The following CERS3 variants were observed in gnomAD, a reference collection of about 807,000 sequenced individuals.
The protein encoded by CERS3 is ceramide synthase 3, also known as LAG1 homolog, ceramide synthase 3.
CERS3 carries 33 observed loss-of-function variants against 50.3 expected under a neutral mutation model. The ratio of observed to expected loss-of-function variants is 0.66; its 90% CI spans 0.50 to 0.88. The LOEUF (loss-of-function observed/expected upper bound fraction) is 0.88. Among genes scored for constraint, CERS3 ranks in the 40% least tolerant of loss-of-function variants. The pLI, the probability that CERS3 is intolerant of heterozygous loss-of-function variation, is 0.00. For synonymous variants in CERS3, 176 were observed against 155.2 expected (o/e 1.13, Z -0.99); for missense variants, 470 against 460.3 (o/e 1.02, Z -0.19).
At chr15:100,492,124 A>G (rs1596754242) in intron 3 of CERS3, among the ~76,000 whole-genome samples, 1 of 152,326 alleles carries the variant, frequency 6.6e-6, no homozygotes, top group East Asian at 1.9e-4. Context: ...CCTAATATGT[A>G]ATCATGCTGG....
At chr15:100,447,184 A>G (rs1314065389) in intron 11 of CERS3, among the ~76,000 whole-genome samples, 2 of 152,202 alleles carry the variant, frequency 1.3e-5, no homozygotes, top group African/African-American at 2.4e-5. Context: ...ACAGCACTGA[A>G]GTCAGCTACC....
intron 5 of CERS3, among the ~76,000 whole-genome samples, chr15:100,480,946 G>T (rs2035281286): frequency 6.6e-6 from 1 of 152,128 alleles, no homozygotes; most frequent in Non-Finnish European, 1.5e-5. Flanking sequence ...AATTCATTAT[G>T]CAGTCTTTCT....
intron 11 of CERS3, among the ~76,000 whole-genome samples, chr15:100,423,340 T>C (rs1489150879): frequency 2.0e-5 from 3 of 152,196 alleles, no homozygotes; most frequent in Non-Finnish European, 4.4e-5. Context: ...ATAGCACTAT[T>C]CACAATAGCA....
intron 4 of CERS3, among the ~76,000 whole-genome samples, chr15:100,488,056 A>G (rs1370780974): frequency 1.3e-5 from 2 of 152,236 alleles, no homozygotes; most frequent in Non-Finnish European, 2.9e-5. Flanking sequence ...AACATCTGGA[A>G]GTTGTTCTTG....
At chr15:100,466,126 C>A (rs1444870606) in intron 10 of CERS3, among the ~76,000 whole-genome samples, 1 of 152,080 alleles carries the variant, frequency 6.6e-6, no homozygotes, top group African/African-American at 2.4e-5. Context: ...CCTTGAAAAC[C>A]AGAAATGCTG....
chr15:100,532,078 T>TA (rs11392992), upstream of CERS3, among the ~76,000 whole-genome samples: 61,523 of 151,842 alleles, frequency 0.41, 12,825 homozygotes, highest in East Asian at 0.7. Context: ...GAAAACACAG[T>TA]AAGCCGGATG....
intron 11 of CERS3, among the ~76,000 whole-genome samples, chr15:100,444,872 C>T (rs894087687): frequency 6.6e-6 from 1 of 152,178 alleles, no homozygotes; most frequent in East Asian, 1.9e-4. Context: ...CATAATTCCT[C>T]GGTTTGGCCT....
At chr15:100,481,830 C>T (rs1484090249) in intron 5 of CERS3, among the ~76,000 whole-genome samples, 1 of 152,228 alleles carries the variant, frequency 6.6e-6, no homozygotes, top group Non-Finnish European at 1.5e-5. Context: ...CAGGGATTCT[C>T]AAAGTGTGTG....
intron 9 of CERS3, 108 bp downstream of exon 9, chr15:100,472,816 G>C (rs543192993): frequency 7.5e-7 from 1 of 1,329,668 alleles, no homozygotes; most frequent in East Asian, 2.3e-5. Context: ...GAATTTGGGT[G>C]TTTTCAGGAC....
At chr15:100,540,607 T>G (rs190647033) in intron 1 of CERS3, among the ~76,000 whole-genome samples, 1 of 152,228 alleles carries the variant, frequency 6.6e-6, no homozygotes, top group Admixed American at 6.5e-5. Context: ...AATTACACCA[T>G]TAGCCCCATT....
At chr15:100,447,006 A>G (rs911542776) in intron 11 of CERS3, among the ~76,000 whole-genome samples, 1 of 152,222 alleles carries the variant, frequency 6.6e-6, no homozygotes, top group Non-Finnish European at 1.5e-5. Flanking sequence ...AGAAATTGAA[A>G]TATTTTACTC....
At chr15:100,431,035 T>C (rs1489941809) in intron 11 of CERS3, among the ~76,000 whole-genome samples, 1 of 152,168 alleles carries the variant, frequency 6.6e-6, no homozygotes, top group Non-Finnish European at 1.5e-5. Flanking sequence ...TGGTGGGGCC[T>C]GAGATATTGT....
intron 11 of CERS3, among the ~76,000 whole-genome samples, chr15:100,431,877 C>A (rs1024537062): frequency 2.6e-5 from 4 of 152,158 alleles, no homozygotes; most frequent in African/African-American, 9.7e-5. Context: ...AGCAACACAG[C>A]AGTAACAAGT....
intron 11 of CERS3, among the ~76,000 whole-genome samples, chr15:100,431,404 A>C (rs555162244): frequency 6.6e-6 from 1 of 152,332 alleles, no homozygotes; most frequent in African/African-American, 2.4e-5. Flanking sequence ...CTGTTTTTCT[A>C]CAAAAGAATC....
intron 3 of CERS3, among the ~76,000 whole-genome samples, chr15:100,497,306 A>ATGTATGTG (rs1555531979): frequency 6.9e-6 from 1 of 145,864 alleles, no homozygotes. Context: ...GCATATATGT[A>ATGTATGTG]TGTGTGTGTG....
At chr15:100,510,339 C>T (rs191384775) in intron 2 of CERS3, among the ~76,000 whole-genome samples, 35 of 152,112 alleles carry the variant, frequency 2.3e-4, no homozygotes, top group Non-Finnish European at 4.4e-5. Context: ...AATTAACTTA[C>T]TACAAGACAA....
At chr15:100,418,395 G>C (rs1490476899) in intron 11 of CERS3, among the ~76,000 whole-genome samples, 87 of 144,336 alleles carry the variant, frequency 6.0e-4, no homozygotes, top group Non-Finnish European at 6.7e-4. Context: ...AGAATAAAAA[G>C]AAATGAGCAA....
intron 10 of CERS3, among the ~76,000 whole-genome samples, chr15:100,457,301 A>G (rs943920857): frequency 3.3e-5 from 5 of 152,208 alleles, no homozygotes; most frequent in African/African-American, 9.6e-5. Context: ...AGAACAGCCT[A>G]TCTTGCCAAA....
intron 2 of CERS3, among the ~76,000 whole-genome samples, chr15:100,508,793 G>C (rs1370970009): frequency 6.6e-6 from 1 of 151,904 alleles, no homozygotes; most frequent in Non-Finnish European, 1.5e-5. Context: ...ATTTACCCCC[G>C]GGTCATTCTC....
Sources: gnomAD v4.1 joint callset for allele counts (sites outside exome capture counted in the v4.1 genomes callset) on GRCh38, gnomAD v4.1.1 for gene constraint, MANE v1.5 for transcripts, NCBI Gene and HGNC (gene_info 2026-07-23, HGNC 2026-07-21) for gene names.